SEMA5A: variants seen among roughly 807,000 people sequenced by gnomAD.
SEMA5A encodes the protein semaphorin-5A.
A neutral mutation model predicts 135.5 loss-of-function variants in SEMA5A; 55 were observed. That is an observed-to-expected ratio of 0.41 (90% CI 0.33 to 0.51). The LOEUF (loss-of-function observed/expected upper bound fraction) is 0.51. SEMA5A is among the 20% of genes least tolerant of loss of function. SEMA5A has a pLI of 0.37. For missense variants in SEMA5A, 1,290 were observed against 1,419.9 expected (o/e 0.91, Z 1.47); for synonymous variants, 580 against 546.5 (o/e 1.06, Z -0.85).
At chr5:9,294,385 C>A (rs1751231996) in intron 5 of SEMA5A, among the ~76,000 whole-genome samples, 1 of 152,152 alleles carries the variant, frequency 6.6e-6, no homozygotes, top group African/African-American at 2.4e-5. Flanking sequence ...GGCAGGGGAC[C>A]CTGGCCTTCG....
At chr5:9,356,864 C>A (rs1015015511) in intron 3 of SEMA5A, among the ~76,000 whole-genome samples, 2 of 152,142 alleles carry the variant, frequency 1.3e-5, no homozygotes, top group African/African-American at 4.8e-5. Flanking sequence ...AGGATTCCAC[C>A]GTGTTGCTAG....
chr5:9,359,809 C>T (rs1371344010), intron 3 of SEMA5A, among the ~76,000 whole-genome samples: 1 of 152,014 alleles, frequency 6.6e-6, no homozygotes, highest in Non-Finnish European at 1.5e-5. Context: ...AAAAAATTAC[C>T]CTTTAAAGGC....
intron 1 of SEMA5A, among the ~76,000 whole-genome samples, chr5:9,456,618 C>T (rs1266339668): frequency 6.6e-6 from 1 of 152,136 alleles, no homozygotes; most frequent in African/African-American, 2.4e-5. Context: ...TAACTGGACC[C>T]CAAACCACAA....
At chr5:9,266,408 AATC>A (rs1320103748) in intron 5 of SEMA5A, among the ~76,000 whole-genome samples, 1 of 152,190 alleles carries the variant, frequency 6.6e-6, no homozygotes, top group African/African-American at 2.4e-5. Context: ...TATTCGTGAC[AATC>A]TTTAGAGGGC....
intron 1 of SEMA5A, among the ~76,000 whole-genome samples, chr5:9,458,953 A>T (rs1433314181): frequency 6.6e-6 from 1 of 152,194 alleles, no homozygotes; most frequent in African/African-American, 2.4e-5. Context: ...GTTGTAGGAA[A>T]ACTGATTCAA....
chr5:9,190,292 G>A lies in SEMA5A; in HGVS notation c.1248C>T (p.Leu416=), dbSNP rs1806095. The change falls in exon 11 of 23, where the codon CTC becomes CTT. Residue 416 remains leucine (L), a synonymous_variant. Coordinates refer to ENST00000382496, the MANE Select transcript of SEMA5A (RefSeq NM_003966.3). ...CTGTGGCCAAATAGATGATGTGGAC[G>A]AGCGCTTCTCTGCCCTGCACCACGT... ...AVDVVQGREA[L]VHIIYLATDY... 0.15 allele frequency: 240,409 copies of A among 1,613,670 alleles called. 23,944 individuals are homozygous for A. Among genetic ancestry groups the A allele is most frequent in the East Asian group, 0.5 (22,613 of 44,836 alleles).
intron 5 of SEMA5A, among the ~76,000 whole-genome samples, chr5:9,313,337 A>G (rs1254266919): frequency 6.6e-6 from 1 of 152,106 alleles, no homozygotes; most frequent in African/African-American, 2.4e-5. Context: ...CAGTATGCAC[A>G]TGTGTGTTTT....
intron 1 of SEMA5A, among the ~76,000 whole-genome samples, chr5:9,482,745 G>T (rs1759923667): frequency 6.6e-6 from 1 of 152,218 alleles, no homozygotes; most frequent in South Asian, 2.1e-4. Flanking sequence ...AACAGCTCCA[G>T]CACAGAGCAC....
chr5:9,499,840 C>A (rs73036789), intron 1 of SEMA5A, among the ~76,000 whole-genome samples: 9 of 151,916 alleles, frequency 5.9e-5, no homozygotes, highest in Admixed American at 6.6e-5. Context: ...TCACATGGAG[C>A]ACAGAGCACA....
intron 3 of SEMA5A, among the ~76,000 whole-genome samples, chr5:9,376,224 C>G (rs1238239357): frequency 6.6e-6 from 1 of 152,262 alleles, no homozygotes; most frequent in Non-Finnish European, 1.5e-5. Context: ...ACCTCCGAAT[C>G]CCCACTTGCC....
At chr5:9,211,756 G>A (rs138015989) in intron 8 of SEMA5A, among the ~76,000 whole-genome samples, 64 of 152,312 alleles carry the variant, frequency 4.2e-4, no homozygotes, top group African/African-American at 1.4e-3. Flanking sequence ...GCATTTTAAA[G>A]ACCTCAAGGG....
At chr5:9,233,818 C>T (rs1031891975) in intron 6 of SEMA5A, among the ~76,000 whole-genome samples, 1 of 152,126 alleles carries the variant, frequency 6.6e-6, no homozygotes, top group African/African-American at 2.4e-5. Context: ...CAGTGTCCTC[C>T]CTGCACACCC....
chr5:9,074,192 C>T (rs947685431), intron 16 of SEMA5A, among the ~76,000 whole-genome samples: 2 of 152,142 alleles, frequency 1.3e-5, no homozygotes, highest in African/African-American at 4.8e-5. Flanking sequence ...AATTGACCCA[C>T]CTGTTTATGG....
In SEMA5A at chr5:9,508,758, T is replaced by C. The variant is rs371235868; in HGVS notation, c.-175+36826A>G. ...TTCCCTTCCACAGCCCTCCTGCCACTTCACTGTAGTCATGTTGCAACTACC... is the reference window on the plus strand; with the variant it reads ...TTCCCTTCCACAGCCCTCCTGCCACCTCACTGTAGTCATGTTGCAACTACC... On this transcript the variant is annotated intron_variant, in intron 1 of 22. Coordinates refer to ENST00000382496, the MANE Select transcript of SEMA5A (RefSeq NM_003966.3). Among the ~76,000 whole-genome samples the C allele has an allele frequency of 9.2e-5, 14 of 152,302 alleles. No homozygotes were observed. In the East Asian group the frequency reaches 2.1e-3, roughly 23 times the overall value.
At chr5:9,145,593 G>C (rs1201521040) in intron 12 of SEMA5A, among the ~76,000 whole-genome samples, 3 of 151,498 alleles carry the variant, frequency 2.0e-5, no homozygotes, top group Non-Finnish European at 4.4e-5. Flanking sequence ...CTTTAAATTT[G>C]AGAGCTCAAA....
At chr5:9,343,607 T>A (rs1473664421) in intron 3 of SEMA5A, among the ~76,000 whole-genome samples, 1 of 152,174 alleles carries the variant, frequency 6.6e-6, no homozygotes, top group African/African-American at 2.4e-5. Flanking sequence ...CTCCCTTCTA[T>A]GGACTTCATT....
At chr5:9,374,100 T>C (rs923962469) in intron 3 of SEMA5A, among the ~76,000 whole-genome samples, 66 of 152,278 alleles carry the variant, frequency 4.3e-4, no homozygotes, top group African/African-American at 1.4e-3. Flanking sequence ...GCATCTGTAA[T>C]GGGTCAGGGT....
In SEMA5A at chr5:9,137,761, G is replaced by A. The variant is rs533253736; in HGVS notation, c.1482-1140C>T. On this transcript the variant is annotated intron_variant, in intron 12 of 22. Transcript: ENST00000382496. ...TCAACCCTGTCAGCAGGGAGGTAGC[G>A]TAAGTAAGTAATGATGAGTTGTTCA... Among the ~76,000 whole-genome samples, 166 of 152,296 alleles carry A rather than the reference G, an allele frequency of 1.1e-3. 1 individual carries two copies. Among genetic ancestry groups the A allele is most frequent in the African/African-American group, 3.9e-3 (161 of 41,568 alleles).
At chr5:9,465,605 A>T (rs1158211480) in intron 1 of SEMA5A, among the ~76,000 whole-genome samples, 1 of 152,240 alleles carries the variant, frequency 6.6e-6, no homozygotes, top group Non-Finnish European at 1.5e-5. Context: ...ATTACATAGG[A>T]TACTACAAGT....
Sources: gnomAD v4.1 joint callset for allele counts (sites outside exome capture counted in the v4.1 genomes callset) on GRCh38, gnomAD v4.1.1 for gene constraint, MANE v1.5 for transcripts, NCBI Gene and HGNC (gene_info 2026-07-23, HGNC 2026-07-21) for gene names.